The following NRXN1 variants were observed in gnomAD, a reference collection of about 807,000 sequenced individuals.
NRXN1 encodes the protein neurexin-1.
NRXN1 carries 39 observed loss-of-function variants against 150.9 expected under a neutral mutation model. The observed-to-expected ratio is 0.26, with a 90% CI of 0.20 to 0.34. The LOEUF (loss-of-function observed/expected upper bound fraction) is 0.34. Ranked by LOEUF, NRXN1 falls within the 10% of genes least tolerant of loss-of-function variation. The pLI is 1.00. For missense variants in NRXN1, 1,815 were observed against 1,949.9 expected (o/e 0.93, Z 1.30); for synonymous variants, 924 against 757.0 (o/e 1.22, Z -3.62).
At chr2:50,760,496 C>G (rs1256067380) in intron 5 of NRXN1, among the ~76,000 whole-genome samples, 2 of 151,748 alleles carry the variant, frequency 1.3e-5, no homozygotes, top group East Asian at 3.9e-4. Context: ...GGGGAACCAT[C>G]TTCTCCACTG....
intron 18 of NRXN1, among the ~76,000 whole-genome samples, chr2:50,121,744 G>A (rs1407767901): frequency 6.6e-6 from 1 of 152,094 alleles, no homozygotes; most frequent in Non-Finnish European, 1.5e-5. Flanking sequence ...CTAGTATTTT[G>A]TTATTGGAAG....
At chr2:50,984,134 ATTTTTTT>A (rs70958636) in intron 2 of NRXN1, among the ~76,000 whole-genome samples, 11 of 72,810 alleles carry the variant, frequency 1.5e-4, no homozygotes, top group Admixed American at 7.7e-4. Context: ...CGCCAGGCTA[ATTTTTTT>A]TTTTTTTTTT....
intron 5 of NRXN1, among the ~76,000 whole-genome samples, chr2:50,845,928 G>T (rs1432873359): frequency 6.6e-6 from 1 of 152,174 alleles, no homozygotes; most frequent in African/African-American, 2.4e-5. Flanking sequence ...TCTAGCAATA[G>T]CACAGCCCAT....
chr2:50,174,384 A>G (rs907203891), intron 18 of NRXN1, among the ~76,000 whole-genome samples: 2 of 152,166 alleles, frequency 1.3e-5, no homozygotes, highest in African/African-American at 4.8e-5. Flanking sequence ...AAAATAAAAG[A>G]TCCATGTAAA....
intron 5 of NRXN1, among the ~76,000 whole-genome samples, chr2:50,878,472 C>T (rs188352177): frequency 6.6e-6 from 1 of 152,076 alleles, no homozygotes; most frequent in Non-Finnish European, 1.5e-5. Context: ...TCTGAAGTCG[C>T]CTCCAGTTTC....
At chr2:50,718,143 A>G (rs1027835366) in intron 5 of NRXN1, among the ~76,000 whole-genome samples, 1 of 152,198 alleles carries the variant, frequency 6.6e-6, no homozygotes, top group Admixed American at 6.5e-5. Flanking sequence ...AGCACAGCAT[A>G]GGTTAAATGC....
At chr2:50,678,644 T>G (rs1343876643) in intron 5 of NRXN1, among the ~76,000 whole-genome samples, 1 of 152,162 alleles carries the variant, frequency 6.6e-6, no homozygotes, top group African/African-American at 2.4e-5. Context: ...TCCAGATCTT[T>G]TCAATCACAT....
intron 13 of NRXN1, among the ~76,000 whole-genome samples, chr2:50,498,280 C>T (rs963787822): frequency 3.3e-5 from 5 of 152,146 alleles, no homozygotes; most frequent in African/African-American, 9.7e-5. Flanking sequence ...GTTAAATATA[C>T]ACTATTCACT....
intron 21 of NRXN1, among the ~76,000 whole-genome samples, chr2:50,020,532 TA>T (rs1687411819): frequency 6.6e-6 from 1 of 152,220 alleles, no homozygotes. Flanking sequence ...TCTGAAGAAT[TA>T]AATGTAATTC....
At chr2:50,465,121 C>G (rs2088679865) in intron 17 of NRXN1, among the ~76,000 whole-genome samples, 1 of 151,336 alleles carries the variant, frequency 6.6e-6, no homozygotes, top group Non-Finnish European at 1.5e-5. Flanking sequence ...TAATATAAAA[C>G]AATATGAAGG....
intron 17 of NRXN1, among the ~76,000 whole-genome samples, chr2:50,452,788 G>C (rs2087100984): frequency 6.6e-6 from 1 of 152,154 alleles, no homozygotes; most frequent in Non-Finnish European, 1.5e-5. Flanking sequence ...TACAGACAAG[G>C]ATGAAACTTT....
intron 3 of NRXN1, 88 bp from the exon 4 acceptor site, chr2:50,922,775 G>C (rs1223608863): frequency 7.9e-7 from 1 of 1,264,090 alleles, no homozygotes; most frequent in Non-Finnish European, 1.1e-6. Context: ...TTCAGTGACA[G>C]ACATCTCTTT....
intron 2 of NRXN1, among the ~76,000 whole-genome samples, chr2:50,975,491 G>T (rs1479096505): frequency 3.9e-5 from 6 of 152,044 alleles, no homozygotes; most frequent in Admixed American, 3.3e-4. Flanking sequence ...AATTAGCTGT[G>T]ATTCTACTAT....
intron 15 of NRXN1, among the ~76,000 whole-genome samples, chr2:50,495,380 G>GTGT (rs1262524763): frequency 2.8e-4 from 5 of 17,782 alleles, no homozygotes; most frequent in Admixed American, 1.2e-3. Flanking sequence ...GTGTGTGTGT[G>GTGT]GTGTGTGTGT....
At chr2:50,113,498 G>A (rs1386199316) in intron 18 of NRXN1, among the ~76,000 whole-genome samples, 1 of 152,098 alleles carries the variant, frequency 6.6e-6, no homozygotes, top group Non-Finnish European at 1.5e-5. Flanking sequence ...ATCTGTACCA[G>A]GAAAATAATT....
chr2:50,086,878 C>T (rs1404729180), intron 19 of NRXN1, among the ~76,000 whole-genome samples: 4 of 150,274 alleles, frequency 2.7e-5, no homozygotes, highest in Non-Finnish European at 5.9e-5. Flanking sequence ...CATGTCTCTC[C>T]TTCTATTAAG....
intron 10 of NRXN1, among the ~76,000 whole-genome samples, chr2:50,535,136 G>T (rs1300627097): frequency 1.3e-5 from 2 of 152,200 alleles, no homozygotes; most frequent in East Asian, 3.8e-4. Context: ...GCACAGGGTT[G>T]TAGTCTAGAG....
chr2:50,517,175 T>G (rs1558867900), intron 12 of NRXN1, among the ~76,000 whole-genome samples: 1 of 152,274 alleles, frequency 6.6e-6, no homozygotes, highest in South Asian at 2.1e-4. Flanking sequence ...AAACTACTTT[T>G]AATCAAAGGT....
chr2:50,604,698 A>G (rs1676814976), intron 8 of NRXN1, among the ~76,000 whole-genome samples: 2 of 152,140 alleles, frequency 1.3e-5, no homozygotes, highest in African/African-American at 4.8e-5. Context: ...CTTTTCCTAA[A>G]TATTTCTCAG....
Sources: gnomAD v4.1 joint callset for allele counts (sites outside exome capture counted in the v4.1 genomes callset) on GRCh38, gnomAD v4.1.1 for gene constraint, MANE v1.5 for transcripts, NCBI Gene and HGNC (gene_info 2026-07-23, HGNC 2026-07-21) for gene names.